MYO3B: variants seen among roughly 807,000 people sequenced by gnomAD.
MYO3B encodes myosin-IIIb.
MYO3B carries 156 observed loss-of-function variants against 174.6 expected under a neutral mutation model. The observed-to-expected ratio is 0.89, with a 90% CI of 0.78 to 1.02. MYO3B has a LOEUF of 1.02. MYO3B is among the 50% of genes least tolerant of loss of function. The probability of loss-of-function intolerance (pLI) is 0.00; values close to 1 mark genes in which losing one functional copy is unlikely to be tolerated. For missense variants in MYO3B, 1,632 were observed against 1,639.4 expected, an observed-to-expected ratio of 1.00 and a Z score of 0.08; for synonymous variants, 563 against 569.1, an observed-to-expected ratio of 0.99 and a Z score of 0.15.
rs544118833 is a variant in MYO3B at position 170,491,582 on chromosome 2, T to C, written c.3015-7010T>C. Among the ~76,000 whole-genome samples, 190 of 152,252 alleles carry C rather than the reference T, an allele frequency of 1.2e-3. 1 individual carries two copies. The highest frequency in any genetic ancestry group is 1.2e-3 in the Non-Finnish European group (79 of 68,008). Reference sequence around the variant, plus strand: ...CTGGGACTATAGGTGCCCGCCACCATGCCCGGCTAATTTTTTGTATTTTTA... The same window carrying C: ...CTGGGACTATAGGTGCCCGCCACCACGCCCGGCTAATTTTTTGTATTTTTA... On this transcript the variant is annotated intron_variant, in intron 25 of 34. Coordinates refer to ENST00000408978, the MANE Select transcript of MYO3B (RefSeq NM_138995.5).
At chr2:170,571,389 C>G (rs1370692045) in intron 32 of MYO3B, among the ~76,000 whole-genome samples, 1 of 152,092 alleles carries the variant, frequency 6.6e-6, no homozygotes, top group Non-Finnish European at 1.5e-5. Flanking sequence ...ATGGGGCTAG[C>G]AAAGCTAGTA....
intron 22 of MYO3B, among the ~76,000 whole-genome samples, chr2:170,419,195 T>G (rs2094599744): frequency 6.6e-6 from 1 of 152,268 alleles, no homozygotes; most frequent in Non-Finnish European, 1.5e-5. Flanking sequence ...CAGCTAGTGC[T>G]AGAACCTGTC....
At position 170,391,587 on chromosome 2, in the gene MYO3B, G is replaced by A; in HGVS notation, c.1645G>A (p.Asp549Asn). Residue 549 changes from aspartate (D) to asparagine (N), a missense_variant, in exon 15 of 35, where the codon GAT (aspartate) becomes AAT (asparagine). By Grantham distance (23) the Asp-to-Asn change is conservative. Coordinates refer to ENST00000408978, the MANE Select transcript of MYO3B (RefSeq NM_138995.5). ...TCTTCATCACCAAAAGAAGCTTTCTGATTTCAGACTTCCTGAGGAAAAACC... is the reference window on the plus strand; with the variant it reads ...TCTTCATCACCAAAAGAAGCTTTCTAATTTCAGACTTCCTGAGGAAAAACC... Reference protein sequence around the residue: ...AGLHHQKKLSDFRLPEEKPPR... With the variant: ...AGLHHQKKLSNFRLPEEKPPR... 1 of 1,586,192 alleles carries A rather than the reference G, an allele frequency of 6.3e-7. No homozygotes were observed. Among genetic ancestry groups the A allele is most frequent in the Middle Eastern group, 1.7e-4 (1 of 6,004 alleles).
chr2:170,211,455 C>T (rs1174317465), intron 3 of MYO3B, among the ~76,000 whole-genome samples: 1 of 152,186 alleles, frequency 6.6e-6, no homozygotes, highest in Non-Finnish European at 1.5e-5. Flanking sequence ...ACGTTAACCT[C>T]GCAGGTGAAA....
intron 22 of MYO3B, among the ~76,000 whole-genome samples, chr2:170,427,036 A>G (rs771951059): frequency 2.0e-5 from 3 of 152,116 alleles, no homozygotes; most frequent in Non-Finnish European, 4.4e-5. Context: ...AAAGAAAAGA[A>G]ATAGATACTT....
intron 25 of MYO3B, among the ~76,000 whole-genome samples, chr2:170,482,231 C>T (rs1014354394): frequency 2.6e-5 from 4 of 151,956 alleles, no homozygotes; most frequent in African/African-American, 9.7e-5. Context: ...TCTCTGCTCA[C>T]TGCAACCTCT....
rs145188725 is a variant in MYO3B, at chr2:170,478,152, C to T, written c.3014+11441C>T. ...TACCTCATTGACCTGACCTGGGTCC[C>T]GTGACCATTCCTAGCTTCAGGGAGA... On this transcript the variant is annotated intron_variant, in intron 25 of 34. Coordinates refer to ENST00000408978, the MANE Select transcript of MYO3B (RefSeq NM_138995.5). Among the ~76,000 whole-genome samples, 13 of 152,182 alleles carry T rather than the reference C, an allele frequency of 8.5e-5. No homozygotes were observed. In the East Asian group the frequency reaches 1.7e-3, roughly 20 times the overall value.
At chr2:170,556,483 C>T (rs1247605696) in intron 32 of MYO3B, among the ~76,000 whole-genome samples, 1 of 152,044 alleles carries the variant, frequency 6.6e-6, no homozygotes, top group African/African-American at 2.4e-5. Context: ...TGTTGCTCTG[C>T]ATCATTGTCA....
At chr2:170,326,803 A>T (rs1055951302) in intron 7 of MYO3B, among the ~76,000 whole-genome samples, 5 of 152,228 alleles carry the variant, frequency 3.3e-5, no homozygotes, top group African/African-American at 9.6e-5. Context: ...GAGCTTGGTG[A>T]CACCCCCAAA....
intron 23 of MYO3B, among the ~76,000 whole-genome samples, chr2:170,462,085 G>A (rs1684330038): frequency 1.3e-5 from 2 of 152,204 alleles, no homozygotes; most frequent in South Asian, 2.1e-4. Context: ...TGGTGCTGGT[G>A]TGTTGTGTTT....
At chr2:170,421,082 CAG>C (rs1254193074) in intron 22 of MYO3B, among the ~76,000 whole-genome samples, 1 of 152,058 alleles carries the variant, frequency 6.6e-6, no homozygotes, top group African/African-American at 2.4e-5. Flanking sequence ...AGGAGGTGCT[CAG>C]AGAGTCTTTC....
At chr2:170,334,236 G>A (rs1322826894) in intron 7 of MYO3B, 1 of 152,160 alleles carries the variant, frequency 6.6e-6, no homozygotes, top group Admixed American at 6.6e-5. Flanking sequence ...TCATTGACTA[G>A]AACTTGATCA....
At chr2:170,180,278 G>A (rs183357511) in intron 1 of MYO3B, 2 of 328,028 alleles carry the variant, frequency 6.1e-6, no homozygotes, top group Non-Finnish European at 1.3e-5. Context: ...ACTAGCTCAC[G>A]AGAAACTCAA....
In MYO3B at chr2:170,307,630, A is replaced by C. The variant is rs114552130; in HGVS notation, c.750-27755A>C. Among the ~76,000 whole-genome samples the C allele has an allele frequency of 3.3e-3, 502 of 152,230 alleles. 2 individuals carry two copies. The highest frequency in any genetic ancestry group is 0.011 in the African/African-American group (473 of 41,536). On this transcript the variant is annotated intron_variant, in intron 7 of 34. Transcript: ENST00000408978. ...GAGGCTCTGCCCAGGAAGTTTCTTTATTTTGCCCAGGAAGAAATTCAAAGG... is the reference window on the plus strand; with the variant it reads ...GAGGCTCTGCCCAGGAAGTTTCTTTCTTTTGCCCAGGAAGAAATTCAAAGG...
intron 7 of MYO3B, among the ~76,000 whole-genome samples, chr2:170,313,360 C>T (rs945148711): frequency 6.6e-6 from 1 of 152,164 alleles, no homozygotes; most frequent in African/African-American, 2.4e-5. Context: ...TACATGAAAG[C>T]TCCCCATATA....
intron 32 of MYO3B, among the ~76,000 whole-genome samples, chr2:170,561,450 T>G (rs1181543318): frequency 6.6e-6 from 1 of 152,248 alleles, no homozygotes; most frequent in African/African-American, 2.4e-5. Context: ...ATTTCCCACA[T>G]TCTTTTGCAC....
At chr2:170,561,848 C>T (rs10930433) in intron 32 of MYO3B, among the ~76,000 whole-genome samples, 21,786 of 151,986 alleles carry the variant, frequency 0.14, 2,919 homozygotes, top group African/African-American at 0.35. Context: ...AAGATGTACA[C>T]GCAATACATA....
chr2:170,278,736 T>C (rs55953709), intron 7 of MYO3B, among the ~76,000 whole-genome samples: 1,652 of 151,228 alleles, frequency 0.011, 17 homozygotes, highest in Non-Finnish European at 0.017. Context: ...TTCTACCCAT[T>C]AACCAACCTC....
intron 7 of MYO3B, among the ~76,000 whole-genome samples, chr2:170,255,914 G>A (rs952882198): frequency 6.6e-6 from 1 of 152,208 alleles, no homozygotes; most frequent in Non-Finnish European, 1.5e-5. Context: ...TGATACAAGA[G>A]TTGGAAGATG....
Sources: allele counts gnomAD v4.1 joint callset (sites outside exome capture counted in the v4.1 genomes callset), GRCh38; gene constraint gnomAD v4.1.1; transcripts MANE v1.5; gene names NCBI Gene and HGNC (gene_info 2026-07-23, HGNC 2026-07-21).